The following CSF2RA variants were observed in gnomAD, a reference collection of about 807,000 sequenced individuals.
CSF2RA encodes the protein colony stimulating factor 2 receptor subunit alpha.
In CSF2RA, 42 loss-of-function variants were observed where a neutral mutation model predicts 51.6. That is an observed-to-expected ratio of 0.81 (90% CI 0.64 to 1.05). The LOEUF is 1.05. Among genes scored for constraint, CSF2RA ranks in the 50% least tolerant of loss-of-function variants. The pLI is 0.00. For synonymous variants in CSF2RA, 222 were observed against 193.0 expected (o/e 1.15, Z -1.24); for missense variants, 530 against 501.1 (o/e 1.06, Z -0.55).
chrX:1,300,227 A>C (rs2092278611), intron 9 of CSF2RA: 1 of 354,430 alleles, frequency 2.8e-6, no homozygotes, highest in Admixed American at 4.9e-5. Flanking sequence ...TCAAAAAATA[A>C]ATAAATAAAA....
Position 1,300,736 on chromosome X carries a change from G to T in CSF2RA, c.946+110G>T, listed in dbSNP as rs1416299059. 4.3e-6 allele frequency: 6 copies of T among 1,381,860 alleles called. No individual in the cohort carries two copies. The African/African-American group carries it at 7.1e-5, about 16-fold the overall frequency. The allele number at this position is 1,381,860 out of a possible 1,614,324, so 85.6% of individuals were successfully genotyped here. On this transcript the variant is annotated intron_variant, in intron 10 of 12. Coordinates refer to ENST00000381529, the MANE Select transcript of CSF2RA (RefSeq NM_172245.4). ...GCGCTGAGATCGAGTTGAGCACGTC[G>T]CTGGGAGTAGTGTCAGGCTCTGAGC...
chrX:1,318,774 T>A, the CSF2RA span, among the ~76,000 whole-genome samples: 1 of 150,108 alleles, frequency 6.7e-6, no homozygotes, highest in Non-Finnish European at 1.5e-5. Context: ...AAAATGAGCC[T>A]GGCATGGTGG....
chrX:1,288,742 T>C lies in CSF2RA; in HGVS notation c.344-17T>C. 5.0e-6 allele frequency: 8 copies of C among 1,613,916 alleles called. No individual in the cohort carries two copies. Among genetic ancestry groups the C allele is most frequent in the Non-Finnish European group, 5.9e-6 (7 of 1,179,854 alleles). ...GAACTTCGGAGTGAAAATTATTTTG[T>C]TTCTACCTCTTCCCAGGAAGGGAGG... On this transcript the variant is annotated splice_polypyrimidine_tract_variant and intron_variant, in intron 5 of 12. Transcript: ENST00000381529.
intron 10 of CSF2RA, among the ~76,000 whole-genome samples, chrX:1,301,833 C>T (rs767582723): frequency 1.3e-5 from 2 of 150,778 alleles, no homozygotes; most frequent in South Asian, 2.1e-4. Context: ...GTCTCGATCT[C>T]CTGACCTCGT....
downstream of CSF2RA, among the ~76,000 whole-genome samples, chrX:1,311,533 A>G (rs1479428890): frequency 1.3e-5 from 2 of 151,646 alleles, no homozygotes; most frequent in Non-Finnish European, 2.9e-5. Flanking sequence ...TCCCCAGTTC[A>G]AGCAATTCCC....
intron 4 of CSF2RA, among the ~76,000 whole-genome samples, chrX:1,287,929 G>T (rs761457089): frequency 1.6e-4 from 23 of 143,044 alleles, no homozygotes; most frequent in Middle Eastern, 3.6e-3. Flanking sequence ...TAGAGACGGG[G>T]TTTCACCATG....
chrX:1,300,990 C>G (rs1295342985), intron 10 of CSF2RA, among the ~76,000 whole-genome samples: 1 of 151,742 alleles, frequency 6.6e-6, no homozygotes, highest in Non-Finnish European at 1.5e-5. Context: ...CCCGTCTCTA[C>G]TAAAAATACA....
At chrX:1,320,661 C>A in the CSF2RA span, among the ~76,000 whole-genome samples, 4 of 128,576 alleles carry the variant, frequency 3.1e-5, no homozygotes, top group Non-Finnish European at 6.3e-5. Context: ...TCATGCCCAG[C>A]TAATTTTTTT....
At chrX:1,299,988 C>T (rs189332693) in intron 9 of CSF2RA, among the ~76,000 whole-genome samples, 119 of 151,850 alleles carry the variant, frequency 7.8e-4, no homozygotes, top group Middle Eastern at 3.4e-3. Flanking sequence ...GAGGCCGAGG[C>T]GGTCGGATCA....
chrX:1,318,368 G>C, the CSF2RA span, among the ~76,000 whole-genome samples: 1 of 151,530 alleles, frequency 6.6e-6, no homozygotes, highest in Non-Finnish European at 1.5e-5. Context: ...TCACCATGTT[G>C]GCCAGGCTGG....
chrX:1,299,655 C>T (rs779857801), intron 9 of CSF2RA, among the ~76,000 whole-genome samples: 2 of 152,298 alleles, frequency 1.3e-5, no homozygotes, highest in Non-Finnish European at 2.9e-5. Context: ...CGGTGGCTCA[C>T]GCCTGTCATC....
Position 1,309,625 on chromosome X carries a change from G to C in CSF2RA, c.*146G>C. On this transcript the variant is annotated 3_prime_UTR_variant, in exon 13 of 13. Coordinates refer to ENST00000381529, the MANE Select transcript of CSF2RA (RefSeq NM_172245.4). ...TTTGGGGCCAGGCGCGGTGGCTCAC[G>C]CCTGTAATCCCAGCACTTTGGGAGG... The C allele has an allele frequency of 6.3e-7, 1 of 1,598,402 alleles. No individual in the cohort carries two copies. Among genetic ancestry groups the C allele is most frequent in the Non-Finnish European group, 8.6e-7 (1 of 1,166,224 alleles).
the CSF2RA span, among the ~76,000 whole-genome samples, chrX:1,316,037 C>CAGATAGAT: frequency 3.6e-5 from 2 of 56,078 alleles, no homozygotes; most frequent in East Asian, 1.3e-3. Flanking sequence ...CATAGATAGA[C>CAGATAGAT]CAATAGACAG....
chrX:1,286,583 A>T (rs1267745486), intron 4 of CSF2RA, among the ~76,000 whole-genome samples: 3,001 of 151,894 alleles, frequency 0.02, 39 homozygotes, highest in African/African-American at 0.043. Context: ...AAAAAAAAAA[A>T]AATAATAAAT....
At chrX:1,275,668 C>T (rs2089088858) in intron 2 of CSF2RA, among the ~76,000 whole-genome samples, 1 of 151,642 alleles carries the variant, frequency 6.6e-6, no homozygotes, top group South Asian at 2.1e-4. Flanking sequence ...ACGCCATTCT[C>T]CTGCCTCAGC....
chrX:1,311,209 A>C (rs1216051758), downstream of CSF2RA, among the ~76,000 whole-genome samples: 1 of 150,734 alleles, frequency 6.6e-6, no homozygotes, highest in Non-Finnish European at 1.5e-5. Context: ...AGATCACGCC[A>C]TTGCACTCCA....
chrX:1,301,164 GA>G lies in CSF2RA; in HGVS notation c.946+547del, dbSNP rs367840456. Among the ~76,000 whole-genome samples the G allele has an allele frequency of 8.9e-5, 10 of 112,820 alleles. No homozygotes were observed. The South Asian group carries it at 2.0e-3, about 23-fold the overall frequency. 74.0% of individuals were successfully genotyped at this position (112,820 alleles called of 152,430 possible). On this transcript the variant is annotated intron_variant, in intron 10 of 12. Coordinates refer to ENST00000381529, the MANE Select transcript of CSF2RA (RefSeq NM_172245.4). ...TGAGACTCCGTCTCAAAAAAAAAAAGAAAAAAAAATACAAAAACTAACCAGG... is the reference window on the plus strand; with the variant it reads ...TGAGACTCCGTCTCAAAAAAAAAAAGAAAAAAAATACAAAAACTAACCAGG...
chrX:1,314,917 C>T (rs1326085912), downstream of CSF2RA, among the ~76,000 whole-genome samples: 6 of 84,030 alleles, frequency 7.1e-5, no homozygotes, highest in South Asian at 4.5e-4. Context: ...CCCACTTCAC[C>T]TGCCCAACCG....
downstream of CSF2RA, among the ~76,000 whole-genome samples, chrX:1,311,870 A>G (rs1473809841): frequency 6.6e-6 from 1 of 152,114 alleles, no homozygotes; most frequent in Non-Finnish European, 1.5e-5. Context: ...GACTTTCTTC[A>G]TTGGTGGTTG....
Sources: allele counts gnomAD v4.1 joint callset (sites outside exome capture counted in the v4.1 genomes callset), GRCh38; gene constraint gnomAD v4.1.1; transcripts MANE v1.5; gene names NCBI Gene and HGNC (gene_info 2026-07-23, HGNC 2026-07-21).